Variants in ADGRB3 observed in about 807,000 individuals in gnomAD.
ADGRB3 encodes adhesion G protein-coupled receptor B3.
Under a neutral mutation model 193.4 loss-of-function variants are expected in ADGRB3, and 37 were observed. That is an observed-to-expected ratio of 0.19 (90% confidence interval 0.15 to 0.25). The LOEUF is 0.25. ADGRB3 is among the 10% of genes least tolerant of loss of function. The pLI is 1.00. For synonymous variants in ADGRB3, 690 were observed against 644.2 expected (o/e 1.07, Z -1.08); for missense variants, 1,637 against 1,852.9 (o/e 0.88, Z 2.14).
intron 13 of ADGRB3, among the ~76,000 whole-genome samples, chr6:69,038,850 T>C (rs987962511): frequency 2.0e-5 from 3 of 152,240 alleles, no homozygotes; most frequent in Non-Finnish European, 4.4e-5. Context: ...TTCCTTCTTA[T>C]GTAAGGTTTT....
intron 9 of ADGRB3, 128 bp from the exon 10 acceptor site, chr6:68,975,106 T>C (rs1768704823): frequency 4.0e-6 from 3 of 745,700 alleles, no homozygotes; most frequent in Non-Finnish European, 4.4e-6. Flanking sequence ...AATCAAAATA[T>C]CAATTTCATG....
At chr6:69,231,138 T>C (rs1260716598) in intron 17 of ADGRB3, among the ~76,000 whole-genome samples, 2 of 152,148 alleles carry the variant, frequency 1.3e-5, no homozygotes, top group Non-Finnish European at 2.9e-5. Flanking sequence ...GTAAAGTAAA[T>C]GGACTCACAT....
chr6:69,314,811 G>A lies in ADGRB3; in HGVS notation c.2815-10061G>A, dbSNP rs772629228. Among the ~76,000 whole-genome samples, 7 of 151,410 alleles carry A rather than the reference G, an allele frequency of 4.6e-5. No homozygotes were observed. In the Admixed American group the frequency reaches 4.6e-4, roughly 10 times the overall value. On this transcript the variant is annotated intron_variant, in intron 20 of 31. Coordinates refer to ENST00000370598, the MANE Select transcript of ADGRB3 (RefSeq NM_001704.3). The stretch of plus-strand genomic sequence containing the variant: ...TTAGGTGAAGTGATAATAACAAAAG[G>A]CTTCTGATTCTATTTTTATTGCCAC...
intron 20 of ADGRB3, among the ~76,000 whole-genome samples, chr6:69,319,175 A>G (rs1768386089): frequency 6.6e-6 from 1 of 151,238 alleles, no homozygotes; most frequent in Non-Finnish European, 1.5e-5. Context: ...ACAAGTTTTC[A>G]TATATATGCT....
intron 13 of ADGRB3, among the ~76,000 whole-genome samples, chr6:69,047,460 GAT>G (rs1216578016): frequency 6.6e-6 from 1 of 150,462 alleles, no homozygotes; most frequent in Admixed American, 6.6e-5. Flanking sequence ...TACATTTTCT[GAT>G]ATGTATTATA....
chr6:69,206,311 T>C (rs1224761808), intron 17 of ADGRB3, among the ~76,000 whole-genome samples: 2 of 151,932 alleles, frequency 1.3e-5, no homozygotes, highest in African/African-American at 4.8e-5. Context: ...ACTGATTAGA[T>C]TGTGCCCACC....
At chr6:69,174,461 CA>C (rs1451225704) in intron 17 of ADGRB3, among the ~76,000 whole-genome samples, 3 of 152,166 alleles carry the variant, frequency 2.0e-5, no homozygotes, top group Admixed American at 6.5e-5. Flanking sequence ...AATAGTATTC[CA>C]TGGTGTATGC....
intron 3 of ADGRB3, among the ~76,000 whole-genome samples, chr6:68,795,744 TG>T (rs1767195113): frequency 6.6e-6 from 1 of 152,144 alleles, no homozygotes; most frequent in Non-Finnish European, 1.5e-5. Context: ...AAGGTCACCT[TG>T]AATTTAAAAT....
chr6:68,747,189 A>C (rs1766101895), intron 3 of ADGRB3, among the ~76,000 whole-genome samples: 1 of 152,218 alleles, frequency 6.6e-6, no homozygotes. Flanking sequence ...CCCCTGAATA[A>C]AAAACAGTTT....
chr6:69,133,191 T>C (rs1363741805), intron 17 of ADGRB3, among the ~76,000 whole-genome samples: 1 of 152,166 alleles, frequency 6.6e-6, no homozygotes, highest in Non-Finnish European at 1.5e-5. Flanking sequence ...TGGGATCACA[T>C]TGAATCTATA....
At chr6:69,190,231 G>A (rs1403764423) in intron 17 of ADGRB3, among the ~76,000 whole-genome samples, 1 of 152,072 alleles carries the variant, frequency 6.6e-6, no homozygotes, top group Admixed American at 6.6e-5. Context: ...ATATTGTATA[G>A]GAGATGCCAG....
Position 68,638,725 on chromosome 6 carries a change from T to C in ADGRB3, c.50T>C (p.Leu17Pro). 1 of 1,614,154 alleles carries C rather than the reference T, an allele frequency of 6.2e-7. No individual in the cohort carries two copies. The highest frequency in any genetic ancestry group is 8.5e-7 in the Non-Finnish European group (1 of 1,180,012). ...ATTTATATATTTTCCACCTATCTCC[T>C]GGTTATGTTTGGATTTAATGCTGCC... The part of the protein sequence containing the change: ...LLIYIFSTYL[L>P]VMFGFNAAQD... Residue 17 changes from leucine (L) to proline (P), a missense_variant, in exon 3 of 32, where the codon CTG (leucine) becomes CCG (proline). Physicochemically the swap from Leu to Pro is moderately conservative, Grantham distance 98. Around this residue, in one of 7 missense-constraint regions of ADGRB3, gnomAD observed 365 missense variants for 409.8 expected, o/e 0.89. Coordinates refer to ENST00000370598, the MANE Select transcript of ADGRB3 (RefSeq NM_001704.3).
intron 17 of ADGRB3, among the ~76,000 whole-genome samples, chr6:69,212,342 G>A (rs1174730612): frequency 1.3e-5 from 2 of 152,122 alleles, no homozygotes; most frequent in East Asian, 3.9e-4. Context: ...GCCTGAAATA[G>A]GAGAAACATA....
At chr6:68,662,105 G>A (rs1316378994) in intron 3 of ADGRB3, among the ~76,000 whole-genome samples, 1 of 151,572 alleles carries the variant, frequency 6.6e-6, no homozygotes, top group South Asian at 2.1e-4. Context: ...GAAATGATGA[G>A]TGTGAGGTTT....
At chr6:68,861,134 GCAAAA>G (rs2150214616) in intron 3 of ADGRB3, among the ~76,000 whole-genome samples, 1 of 152,228 alleles carries the variant, frequency 6.6e-6, no homozygotes, top group East Asian at 1.9e-4. Flanking sequence ...CATTGCTTTT[GCAAAA>G]CAAAACACAG....
chr6:68,903,276 A>G (rs1766448781), intron 3 of ADGRB3, among the ~76,000 whole-genome samples: 1 of 152,190 alleles, frequency 6.6e-6, no homozygotes, highest in South Asian at 2.1e-4. Flanking sequence ...GCATTATTGT[A>G]TCTCTAAATC....
intron 3 of ADGRB3, among the ~76,000 whole-genome samples, chr6:68,812,686 T>C (rs1357113453): frequency 1.3e-5 from 2 of 152,152 alleles, no homozygotes; most frequent in African/African-American, 4.8e-5. Flanking sequence ...TTTTTTCTTT[T>C]TCTTATACTT....
At chr6:69,024,402 A>C (rs1306017776) in intron 13 of ADGRB3, among the ~76,000 whole-genome samples, 1 of 152,186 alleles carries the variant, frequency 6.6e-6, no homozygotes, top group Non-Finnish European at 1.5e-5. Context: ...ACAGGACCTA[A>C]ATGTTCAAGC....
intron 3 of ADGRB3, among the ~76,000 whole-genome samples, chr6:68,653,846 T>C (rs533849326): frequency 6.6e-6 from 1 of 152,024 alleles, no homozygotes; most frequent in African/African-American, 2.4e-5. Flanking sequence ...TCTTCCTTCC[T>C]TTTCTTCTCT....
Sources: allele counts gnomAD v4.1 joint callset (sites outside exome capture counted in the v4.1 genomes callset), GRCh38; gene constraint gnomAD v4.1.1; regional missense constraint gnomAD v4.1.1; transcripts MANE v1.5; gene names NCBI Gene and HGNC (gene_info 2026-07-23, HGNC 2026-07-21).